COQ10B: variants seen among roughly 807,000 people sequenced by gnomAD.
COQ10B encodes coenzyme Q-binding protein COQ10 homolog B, mitochondrial.
In COQ10B, 12 loss-of-function variants were observed where a neutral mutation model predicts 27.6. That is an observed-to-expected ratio of 0.43 (90% CI 0.28 to 0.70). The LOEUF (loss-of-function observed/expected upper bound fraction) is 0.70. Among genes scored for constraint, COQ10B ranks in the 30% least tolerant of loss-of-function variants. The pLI, the probability that COQ10B is intolerant of heterozygous loss-of-function variation, is 0.17. For missense variants in COQ10B, 278 were observed against 288.7 expected (o/e 0.96, Z 0.27); for synonymous variants, 115 against 103.0 (o/e 1.12, Z -0.71).
At chr2:197,462,071 C>T (rs990146728) in intron 2 of COQ10B, among the ~76,000 whole-genome samples, 3 of 151,942 alleles carry the variant, frequency 2.0e-5, no homozygotes, top group East Asian at 3.9e-4. Flanking sequence ...AGATCGAGAC[C>T]GTTCTGGCTA....
chr2:197,456,255 A>T (rs1223193056), intron 1 of COQ10B, among the ~76,000 whole-genome samples: 2 of 143,530 alleles, frequency 1.4e-5, no homozygotes, highest in Non-Finnish European at 3.1e-5. Context: ...CACAAGGTCA[A>T]GAGATCAAGA....
At chr2:197,468,389 G>A (rs1332591548) in intron 3 of COQ10B, among the ~76,000 whole-genome samples, 1 of 146,648 alleles carries the variant, frequency 6.8e-6, no homozygotes, top group Non-Finnish European at 1.5e-5. Flanking sequence ...CTTGCAGTGA[G>A]TCGAGATCGC....
chr2:197,468,221 A>C (rs1187669995), intron 3 of COQ10B, among the ~76,000 whole-genome samples: 1 of 152,024 alleles, frequency 6.6e-6, no homozygotes, highest in East Asian at 1.9e-4. Flanking sequence ...CGGGGGGATC[A>C]GGAGGTCAGG....
chr2:197,473,441 T>TATATATATATATAC (rs1417755879), intron 4 of COQ10B, among the ~76,000 whole-genome samples: 1 of 98,216 alleles, frequency 1.0e-5, no homozygotes, highest in Non-Finnish European at 1.9e-5. Context: ...TATATATATA[T>TATATATATATATAC]ACACATATAT....
chr2:197,459,341 A>T (rs560996410), intron 1 of COQ10B, among the ~76,000 whole-genome samples: 1 of 152,042 alleles, frequency 6.6e-6, no homozygotes, highest in Non-Finnish European at 1.5e-5. Context: ...TAATTTTTAA[A>T]TTTTTTTGTA....
intron 3 of COQ10B, among the ~76,000 whole-genome samples, chr2:197,466,192 G>A (rs990692033): frequency 6.6e-5 from 10 of 152,102 alleles, no homozygotes; most frequent in African/African-American, 2.4e-4. Context: ...CTCCTCCCAC[G>A]TAATACTATA....
intron 1 of COQ10B, 97 bp downstream of exon 1, chr2:197,453,761 TC>T: frequency 8.6e-7 from 1 of 1,156,416 alleles, no homozygotes; most frequent in Non-Finnish European, 1.3e-6. Context: ...AGAGCCGGAC[TC>T]GGTGCATTTC....
intron 1 of COQ10B, among the ~76,000 whole-genome samples, chr2:197,456,733 C>T (rs979333918): frequency 8.6e-5 from 13 of 151,362 alleles, no homozygotes; most frequent in African/African-American, 2.4e-4. Flanking sequence ...CCACTGCACT[C>T]GAGCCTGGGT....
intron 3 of COQ10B, among the ~76,000 whole-genome samples, chr2:197,467,222 C>T (rs1473914091): frequency 6.6e-6 from 1 of 151,964 alleles, no homozygotes; most frequent in African/African-American, 2.4e-5. Flanking sequence ...ACTGGGATTA[C>T]AGGAATGAGC....
At position 197,458,156 on chromosome 2, in the gene COQ10B, G is replaced by A. The variant is rs1045626066; in HGVS notation, c.105-1776G>A. Among the ~76,000 whole-genome samples, 10 of 148,020 alleles carry A rather than the reference G, an allele frequency of 6.8e-5. No homozygotes were observed. The South Asian group carries it at 1.5e-3, about 22-fold the overall frequency. On this transcript the variant is annotated intron_variant, in intron 1 of 4. Transcript: ENST00000263960. ...TCTTTTGAGACGGAGAATCACTGTC[G>A]CCCAGGCTGGAGTGCAGTGGTGCGA...
Position 197,462,528 on chromosome 2 carries a change from A to T in COQ10B, c.255-11A>T, listed in dbSNP as rs777459982. The T allele has an allele frequency of 1.4e-6, 2 of 1,467,262 alleles. No homozygotes were observed. The highest frequency in any genetic ancestry group is 2.2e-5 in the Admixed American group (1 of 46,448). The allele number at this position is 1,467,262 out of a possible 1,614,324, so 90.9% of individuals were successfully genotyped here. On this transcript the variant is annotated splice_polypyrimidine_tract_variant and intron_variant, in intron 2 of 4. Transcript: ENST00000263960. ...GAGTTAACACCTCTTTTTTATTTTT[A>T]TTTTTTAAAGATATTCAATGCAGGA...
At chr2:197,463,953 AAAAAAAAAAAAATATATATATATAT>A (rs1192478438) in intron 3 of COQ10B, among the ~76,000 whole-genome samples, 2 of 69,304 alleles carry the variant, frequency 2.9e-5, no homozygotes, top group African/African-American at 1.1e-4. Flanking sequence ...AAAAAAAAAA[AAAAAAAAAAAAATATATATATATAT>A]ATATATATAT....
chr2:197,472,835 A>G (rs1230221435), intron 4 of COQ10B, among the ~76,000 whole-genome samples: 2 of 148,072 alleles, frequency 1.4e-5, no homozygotes, highest in African/African-American at 5.0e-5. Context: ...AGATTAAACC[A>G]CTTACACCAT....
At chr2:197,459,392 C>T (rs1021765798) in intron 1 of COQ10B, among the ~76,000 whole-genome samples, 1 of 152,166 alleles carries the variant, frequency 6.6e-6, no homozygotes, top group African/African-American at 2.4e-5. Flanking sequence ...TCACAAACTC[C>T]TGGCCTCAAG....
intron 3 of COQ10B, among the ~76,000 whole-genome samples, chr2:197,467,258 TTTTA>T (rs55707253): frequency 0.68 from 101,351 of 147,996 alleles, 35,213 homozygotes; most frequent in Middle Eastern, 0.85. Context: ...GGGTTCTGGA[TTTTA>T]TTTATTTATT....
chr2:197,454,967 A>T (rs2085680637), intron 1 of COQ10B, among the ~76,000 whole-genome samples: 1 of 152,118 alleles, frequency 6.6e-6, no homozygotes, highest in African/African-American at 2.4e-5. Flanking sequence ...TTCATATCGT[A>T]GTTTAAGACA....
chr2:197,461,183 A>T (rs193198728), intron 2 of COQ10B, among the ~76,000 whole-genome samples: 1 of 152,288 alleles, frequency 6.6e-6, no homozygotes, highest in East Asian at 1.9e-4. Flanking sequence ...AGCCCTATAG[A>T]TAATACCCAA....
intron 1 of COQ10B, among the ~76,000 whole-genome samples, chr2:197,456,885 A>G (rs908077621): frequency 1.3e-5 from 2 of 152,008 alleles, no homozygotes; most frequent in Admixed American, 1.3e-4. Context: ...AGGATACAAA[A>G]TTAATGCTAG....
At position 197,460,075 on chromosome 2, in the gene COQ10B, T is replaced by C; in HGVS notation, c.248T>C (p.Ile83Thr). Reference protein sequence around the residue: ...NKRKEYSERRILGYSMQEMYD... With the variant: ...NKRKEYSERRTLGYSMQEMYD... ...AGGAAAGAATATTCAGAGAGAAGAA[T>C]TTTAGGGTTCGTATATGATAAGAAT... The change falls in exon 2 of 5, where the codon ATT (isoleucine) becomes ACT (threonine). Residue 83 changes from isoleucine to threonine, a missense_variant. This residue lies in a region of COQ10B where 183 missense variants were observed against 158.2 expected (regional missense o/e 1.16). Transcript: ENST00000263960. The C allele has an allele frequency of 6.2e-7, 1 of 1,605,052 alleles. No individual in the cohort carries two copies. The highest frequency in any genetic ancestry group is 1.3e-5 in the African/African-American group (1 of 74,654).
Sources: allele counts gnomAD v4.1 joint callset (sites outside exome capture counted in the v4.1 genomes callset), GRCh38; gene constraint gnomAD v4.1.1; regional missense constraint gnomAD v4.1.1; transcripts MANE v1.5; gene names NCBI Gene and HGNC (gene_info 2026-07-23, HGNC 2026-07-21).